SP100: variants seen among roughly 807,000 people sequenced by gnomAD.
The protein encoded by SP100 is nuclear autoantigen Sp-100.
A neutral mutation model predicts 130.0 loss-of-function variants in SP100; 84 were observed. That is an observed-to-expected ratio of 0.65 (90% CI 0.54 to 0.77). The LOEUF is 0.77. SP100 is among the 30% of genes least tolerant of loss of function. SP100 has a pLI of 0.00. For synonymous variants in SP100, 331 were observed against 351.7 expected, an observed-to-expected ratio of 0.94 and a Z score of 0.66; for missense variants, 978 against 1,052.2, an observed-to-expected ratio of 0.93 and a Z score of 0.97.
chr2:230,489,379 T>G (rs1039718888), intron 17 of SP100, among the ~76,000 whole-genome samples: 3 of 152,030 alleles, frequency 2.0e-5, no homozygotes, highest in African/African-American at 7.2e-5. Context: ...CCCCTTTATC[T>G]TTTTTTATTG....
At chr2:230,512,277 T>TC in intron 24 of SP100, among the ~76,000 whole-genome samples, 2 of 12,296 alleles carry the variant, frequency 1.6e-4, no homozygotes, top group Admixed American at 1.2e-3. Flanking sequence ...TTGAAATGCC[T>TC]TTTTTTTTTT....
At chr2:230,466,500 T>G in intron 12 of SP100, 146 bp downstream of exon 12, 2 of 594,526 alleles carry the variant, frequency 3.4e-6, no homozygotes, top group South Asian at 4.6e-5. Flanking sequence ...ATTTCAATGG[T>G]TCCTATTTTA....
chr2:230,460,155 C>T (rs539965295), intron 8 of SP100, among the ~76,000 whole-genome samples: 6 of 152,134 alleles, frequency 3.9e-5, no homozygotes, highest in African/African-American at 1.4e-4. Flanking sequence ...CAGCAGAAAC[C>T]AACAGAAATG....
At chr2:230,464,034 G>A (rs758464471) in intron 10 of SP100, 33 bp from the exon 11 acceptor site, 58 of 1,416,844 alleles carry the variant, frequency 4.1e-5, no homozygotes, top group Non-Finnish European at 5.3e-5. Context: ...GTCACACACT[G>A]AGACCTCTAA....
chr2:230,468,871 A>G (rs972219789), intron 13 of SP100, 172 bp from the exon 14 acceptor site: 2 of 401,082 alleles, frequency 5.0e-6, no homozygotes, highest in Middle Eastern at 7.1e-4. Flanking sequence ...GGGCTAAAGG[A>G]TTGTGGGTCT....
chr2:230,508,152 C>T, intron 23 of SP100, 121 bp downstream of exon 23: 2 of 1,489,338 alleles, frequency 1.3e-6, no homozygotes, highest in Non-Finnish European at 1.8e-6. Flanking sequence ...TAATATGATG[C>T]TTTTGCAGTT....
chr2:230,538,530 A>G (rs921289252), intron 24 of SP100: 4 of 152,200 alleles, frequency 2.6e-5, no homozygotes, highest in Non-Finnish European at 5.9e-5. Context: ...TTGAAAGGGA[A>G]CACATGGGCA....
Position 230,471,974 on chromosome 2 carries a change from G to A in SP100, c.1430-1350G>A, listed in dbSNP as rs572368519. ...GATTGATTGACAGCCTTGCAAGGTAGAAAGCTCATAAAGAACAGACAAAGG... is the reference window on the plus strand; with the variant it reads ...GATTGATTGACAGCCTTGCAAGGTAAAAAGCTCATAAAGAACAGACAAAGG... On this transcript the variant is annotated intron_variant, in intron 15 of 28. Coordinates refer to ENST00000340126, the MANE Select transcript of SP100 (RefSeq NM_001080391.2). Among the ~76,000 whole-genome samples, 428 of 152,266 alleles carry A rather than the reference G, an allele frequency of 2.8e-3. 1 individual carries two copies. The highest frequency in any genetic ancestry group is 0.01 in the African/African-American group (418 of 41,552).
At chr2:230,442,632 G>A (rs533910141) in intron 2 of SP100, among the ~76,000 whole-genome samples, 4 of 152,070 alleles carry the variant, frequency 2.6e-5, no homozygotes, top group Non-Finnish European at 4.4e-5. Flanking sequence ...CCTAGATTCT[G>A]TAGGAATTTA....
At chr2:230,444,043 G>T (rs2063581589) in intron 3 of SP100, 135 bp from the exon 4 acceptor site, 3 of 657,996 alleles carry the variant, frequency 4.6e-6, no homozygotes, top group Non-Finnish European at 4.9e-6. Context: ...ATACAAATAA[G>T]TAAAAATTAT....
intron 8 of SP100, among the ~76,000 whole-genome samples, chr2:230,457,915 A>G (rs1017898630): frequency 1.3e-5 from 2 of 152,238 alleles, no homozygotes; most frequent in Non-Finnish European, 2.9e-5. Context: ...GCCTACACTC[A>G]TCCAAGACAC....
At chr2:230,498,428 A>T in intron 18 of SP100, 33 bp from the exon 19 acceptor site, 1 of 1,337,160 alleles carries the variant, frequency 7.5e-7, no homozygotes, top group Non-Finnish European at 1.0e-6. Context: ...AGTTTTTTAC[A>T]CCATCCATAT....
chr2:230,529,154 T>A (rs1244100732), intron 24 of SP100, among the ~76,000 whole-genome samples: 1 of 152,180 alleles, frequency 6.6e-6, no homozygotes, highest in East Asian at 1.9e-4. Context: ...ATATCCCTGA[T>A]GAACATCAAT....
At chr2:230,494,297 T>C (rs1192495847) in intron 17 of SP100, 119 bp from the exon 18 acceptor site, 2 of 776,666 alleles carry the variant, frequency 2.6e-6, no homozygotes, top group African/African-American at 3.5e-5. Context: ...GGCCGAGGAC[T>C]TAGCCCCGCA....
intron 24 of SP100, chr2:230,515,770 T>C: frequency 6.7e-7 from 1 of 1,498,218 alleles, no homozygotes. Flanking sequence ...TACACTGTGT[T>C]TTTTTGTATA....
intron 21 of SP100, among the ~76,000 whole-genome samples, chr2:230,506,016 C>A (rs913558017): frequency 1.3e-5 from 2 of 152,056 alleles, no homozygotes; most frequent in African/African-American, 2.4e-5. Context: ...TTCTTTGCAC[C>A]CACCCCCACC....
intron 2 of SP100, among the ~76,000 whole-genome samples, chr2:230,432,759 G>A (rs1235318408): frequency 1.3e-5 from 2 of 152,086 alleles, no homozygotes; most frequent in African/African-American, 4.8e-5. Context: ...TTAAAAATAT[G>A]ATTGGCTAAT....
chr2:230,418,389 T>G (rs1452085661), intron 2 of SP100, among the ~76,000 whole-genome samples: 1 of 152,150 alleles, frequency 6.6e-6, no homozygotes, highest in Non-Finnish European at 1.5e-5. Context: ...GTCTTCACAG[T>G]CTTGCTTTAT....
chr2:230,525,196 A>G (rs1294203139), intron 24 of SP100, among the ~76,000 whole-genome samples: 1 of 152,206 alleles, frequency 6.6e-6, no homozygotes, highest in African/African-American at 2.4e-5. Context: ...AGGACAAAAC[A>G]GAAAGTTCAA....
Sources: gnomAD v4.1 joint callset for allele counts (sites outside exome capture counted in the v4.1 genomes callset) on GRCh38, gnomAD v4.1.1 for gene constraint, MANE v1.5 for transcripts, NCBI Gene and HGNC (gene_info 2026-07-23, HGNC 2026-07-21) for gene names.